The following NDST3 variants were observed in gnomAD, a reference collection of about 807,000 sequenced individuals.
NDST3 encodes the protein N-deacetylase and N-sulfotransferase 3.
NDST3 carries 58 observed loss-of-function variants against 96.1 expected under a neutral mutation model. The ratio of observed to expected loss-of-function variants is 0.60; its 90% confidence interval spans 0.49 to 0.75. The LOEUF is 0.75. Among genes scored for constraint, NDST3 ranks in the 30% least tolerant of loss-of-function variants. The pLI, the probability that NDST3 is intolerant of heterozygous loss-of-function variation, is 0.00. For missense variants in NDST3, 788 were observed against 1,034.2 expected, an observed-to-expected ratio of 0.76 and a Z score of 3.27; for synonymous variants, 333 against 359.7, an observed-to-expected ratio of 0.93 and a Z score of 0.84.
chr4:118,205,565 T>C (rs28665169), intron 6 of NDST3, among the ~76,000 whole-genome samples: 1,961 of 144,620 alleles, frequency 0.014, 260 homozygotes, highest in African/African-American at 0.047. Context: ...CAGCTTTTCA[T>C]AGGTGTTTAT....
At position 118,184,602 on chromosome 4, in the gene NDST3, TA is replaced by T. The variant is rs1468394552; in HGVS notation, c.1540-39888del. Among the ~76,000 whole-genome samples, 49 of 138,486 alleles carry T rather than the reference TA, an allele frequency of 3.5e-4. 1 individual carries two copies. Among genetic ancestry groups the T allele is most frequent in the African/African-American group, 1.3e-3 (48 of 37,344 alleles). 90.9% of individuals were successfully genotyped at this position (138,486 alleles called of 152,430 possible). On this transcript the variant is annotated intron_variant, in intron 6 of 13. Transcript: ENST00000296499. ...CTCCCTTTGTCTCTCTCTCTCTCTC[TA>T]CACACACACACACACACACACACAC...
intron 6 of NDST3, among the ~76,000 whole-genome samples, chr4:118,158,327 A>T (rs2125922434): frequency 6.6e-6 from 1 of 152,316 alleles, no homozygotes; most frequent in East Asian, 1.9e-4. Context: ...TTGTACCAGA[A>T]AAAAGGGAAA....
At chr4:118,196,208 T>C (rs548652505) in intron 6 of NDST3, among the ~76,000 whole-genome samples, 2 of 152,336 alleles carry the variant, frequency 1.3e-5, no homozygotes, top group South Asian at 4.1e-4. Context: ...TTGGTCATGA[T>C]GAATGACCTT....
intron 4 of NDST3, among the ~76,000 whole-genome samples, chr4:118,122,019 T>C (rs1253839921): frequency 6.6e-6 from 1 of 152,218 alleles, no homozygotes; most frequent in African/African-American, 2.4e-5. Flanking sequence ...CTCAATTCCT[T>C]TCCCTTTTTC....
chr4:118,151,565 C>T (rs138103374), intron 6 of NDST3, among the ~76,000 whole-genome samples: 8 of 151,916 alleles, frequency 5.3e-5, no homozygotes, highest in South Asian at 2.1e-4. Context: ...ACTCACCATG[C>T]GCTTTAGGTA....
chr4:118,144,444 T>C (rs190953330), intron 6 of NDST3, among the ~76,000 whole-genome samples: 81 of 152,308 alleles, frequency 5.3e-4, no homozygotes, highest in Admixed American at 7.2e-4. Context: ...CCTCCCAAAG[T>C]GCTGGGATTA....
intron 6 of NDST3, among the ~76,000 whole-genome samples, chr4:118,158,011 A>G (rs970167272): frequency 1.3e-5 from 2 of 152,248 alleles, no homozygotes; most frequent in African/African-American, 4.8e-5. Context: ...ATTGTCAGAT[A>G]GAAAAAAATA....
intron 3 of NDST3, among the ~76,000 whole-genome samples, chr4:118,107,110 A>C (rs4571408): frequency 0.9 from 135,618 of 151,486 alleles, 62,630 homozygotes; most frequent in South Asian, 1. Context: ...TAATAATAAT[A>C]ATCATCATCA....
Position 118,223,842 on chromosome 4 carries a change from GCTTT to G in NDST3, c.1540-644_1540-641del, listed in dbSNP as rs141498105. 6.8e-3 allele frequency among the ~76,000 whole-genome samples: 1,032 copies of G among 152,042 alleles called. 13 individuals are homozygous for G. Among genetic ancestry groups the G allele is most frequent in the African/African-American group, 0.023 (970 of 41,480 alleles). ...TTATAGCAGCATAAACGTCACAATG[GCTTT>G]CTTTGCCATTAAAAATCTCATGCAG... On this transcript the variant is annotated intron_variant, in intron 6 of 13. Transcript: ENST00000296499.
At chr4:118,039,439 G>T (rs1319887403) in intron 1 of NDST3, among the ~76,000 whole-genome samples, 1 of 152,014 alleles carries the variant, frequency 6.6e-6, no homozygotes, top group Non-Finnish European at 1.5e-5. Flanking sequence ...ATATTCAATG[G>T]GCTATTCTCA....
intron 4 of NDST3, among the ~76,000 whole-genome samples, chr4:118,136,562 A>T (rs1184427234): frequency 6.6e-6 from 1 of 152,184 alleles, no homozygotes; most frequent in East Asian, 1.9e-4. Flanking sequence ...ATGGTTATGT[A>T]GTTATGGTAA....
At chr4:118,221,842 A>G (rs561663116) in intron 6 of NDST3, among the ~76,000 whole-genome samples, 3 of 152,022 alleles carry the variant, frequency 2.0e-5, no homozygotes, top group African/African-American at 7.2e-5. Context: ...TTAAGCAGCT[A>G]AACAGTCCTT....
At chr4:118,226,195 T>C (rs1371893670) in intron 7 of NDST3, among the ~76,000 whole-genome samples, 1 of 152,144 alleles carries the variant, frequency 6.6e-6, no homozygotes, top group Admixed American at 6.5e-5. Flanking sequence ...TTCTACATAA[T>C]ATATACTTTG....
At chr4:118,097,796 T>C (rs1305028532) in intron 2 of NDST3, among the ~76,000 whole-genome samples, 1 of 151,918 alleles carries the variant, frequency 6.6e-6, no homozygotes. Context: ...TGTTCTACAA[T>C]GGCCATTTTC....
chr4:118,146,287 G>T (rs753149336), intron 6 of NDST3, among the ~76,000 whole-genome samples: 41 of 152,186 alleles, frequency 2.7e-4, no homozygotes, highest in Non-Finnish European at 4.3e-4. Context: ...GCCTCAATTA[G>T]AAGTGCCATT....
intron 6 of NDST3, among the ~76,000 whole-genome samples, chr4:118,175,398 T>G (rs1736212888): frequency 2.6e-5 from 4 of 151,900 alleles, no homozygotes; most frequent in Admixed American, 2.0e-4. Flanking sequence ...CATTATTTTC[T>G]CTAAAATCAG....
intron 6 of NDST3, among the ~76,000 whole-genome samples, chr4:118,188,902 T>C (rs888514630): frequency 4.1e-4 from 63 of 152,234 alleles, no homozygotes; most frequent in African/African-American, 1.4e-3. Flanking sequence ...TGGTCATAGT[T>C]AAAGACAATT....
intron 2 of NDST3, among the ~76,000 whole-genome samples, chr4:118,066,173 T>A (rs28688245): frequency 1.6e-4 from 2 of 12,434 alleles, no homozygotes; most frequent in Non-Finnish European, 3.1e-4. Context: ...ATATTATATT[T>A]TATATATTAT....
intron 2 of NDST3, among the ~76,000 whole-genome samples, chr4:118,062,520 G>C (rs553855565): frequency 1.4e-4 from 21 of 152,054 alleles, no homozygotes; most frequent in Non-Finnish European, 1.9e-4. Context: ...GATATAACGT[G>C]ATCATATTAA....
Sources: gnomAD v4.1 joint callset for allele counts (sites outside exome capture counted in the v4.1 genomes callset) on GRCh38, gnomAD v4.1.1 for gene constraint, MANE v1.5 for transcripts, NCBI Gene and HGNC (gene_info 2026-07-23, HGNC 2026-07-21) for gene names.